LCP2: variants seen among roughly 807,000 people sequenced by gnomAD.
The protein encoded by LCP2 is 76 kDa tyrosine phosphoprotein.
Under a neutral mutation model 74.5 loss-of-function variants are expected in LCP2, and 29 were observed. The ratio of observed to expected loss-of-function variants is 0.39; its 90% CI spans 0.29 to 0.53. The LOEUF (loss-of-function observed/expected upper bound fraction) is 0.53. LCP2 is among the 20% of genes least tolerant of loss of function. The pLI, the probability that LCP2 is intolerant of heterozygous loss-of-function variation, is 0.72. For synonymous variants in LCP2, 228 were observed against 229.5 expected, an observed-to-expected ratio of 0.99 and a Z score of 0.06; for missense variants, 604 against 634.6, an observed-to-expected ratio of 0.95 and a Z score of 0.52.
In LCP2 at chr5:170,248,569, G is replaced by T; in HGVS notation, c.*128C>A. The stretch of plus-strand genomic sequence containing the variant: ...TTCAAACACTGTTTTTAAAGGAAAG[G>T]ATAAAACCCTTGTGTTCATGGGGAG... On this transcript the variant is annotated 3_prime_UTR_variant, in exon 21 of 21. Coordinates refer to ENST00000046794, the MANE Select transcript of LCP2 (RefSeq NM_005565.5). 1 of 937,662 alleles carries T rather than the reference G, an allele frequency of 1.1e-6. No homozygotes were observed. Among genetic ancestry groups the T allele is most frequent in the Non-Finnish European group, 1.7e-6 (1 of 602,346 alleles). The allele number at this position is 937,662 out of a possible 1,614,324, so 58.1% of individuals were successfully genotyped here. A position where few individuals can be genotyped will look rare whatever the true frequency, so the allele number is the denominator to read the frequency against.
intron 8 of LCP2, among the ~76,000 whole-genome samples, chr5:170,267,739 C>A (rs1761794709): frequency 6.6e-6 from 1 of 152,258 alleles, no homozygotes; most frequent in East Asian, 1.9e-4. Flanking sequence ...CACTTTATCC[C>A]CAACGCCTAG....
chr5:170,263,528 C>A (rs928696148), intron 10 of LCP2, among the ~76,000 whole-genome samples: 1 of 152,174 alleles, frequency 6.6e-6, no homozygotes, highest in Non-Finnish European at 1.5e-5. Flanking sequence ...TGGTATGCTG[C>A]AAATCTTTTT....
At chr5:170,253,350 A>G (rs1334656607) in intron 17 of LCP2, 137 bp from the exon 18 acceptor site, 2 of 520,380 alleles carry the variant, frequency 3.8e-6, no homozygotes, top group African/African-American at 3.9e-5. Context: ...TTTAAGAAAC[A>G]AGGGCTTCAA....
chr5:170,251,018 C>T (rs1761425962), intron 19 of LCP2, 133 bp from the exon 20 acceptor site: 2 of 639,032 alleles, frequency 3.1e-6, no homozygotes, highest in Admixed American at 3.0e-5. Context: ...GAGTGCAAAA[C>T]CTGTCATTCA....
At chr5:170,266,722 T>G in intron 10 of LCP2, 86 bp downstream of exon 10, 247 of 1,116,364 alleles carry the variant, frequency 2.2e-4, no homozygotes, top group Non-Finnish European at 3.0e-4. Context: ...CATAGTTAAA[T>G]GAGATGGTAC....
chr5:170,274,480 T>G, intron 5 of LCP2, 142 bp from the exon 6 acceptor site: 1 of 825,624 alleles, frequency 1.2e-6, no homozygotes, highest in Admixed American at 2.2e-5. Flanking sequence ...CCCTGCAGGT[T>G]TAGCCACTTA....
At chr5:170,280,485 G>T (rs545313665) in intron 3 of LCP2, among the ~76,000 whole-genome samples, 1 of 152,218 alleles carries the variant, frequency 6.6e-6, no homozygotes, top group South Asian at 2.1e-4. Context: ...TGTCACCTGA[G>T]AAGCCGGGGG....
intron 1 of LCP2, 148 bp downstream of exon 1, chr5:170,297,386 T>A: frequency 1.6e-6 from 1 of 642,558 alleles, no homozygotes; most frequent in South Asian, 2.1e-5. Flanking sequence ...GCGGTCTATA[T>A]GGCGCTCACT....
intron 6 of LCP2, among the ~76,000 whole-genome samples, chr5:170,273,195 T>C (rs1020176532): frequency 1.1e-4 from 17 of 152,162 alleles, no homozygotes; most frequent in African/African-American, 3.9e-4. Flanking sequence ...CCAAGCTCTA[T>C]AGCCACTAGT....
At chr5:170,250,007 T>A (rs894576765) in intron 20 of LCP2, among the ~76,000 whole-genome samples, 1 of 152,232 alleles carries the variant, frequency 6.6e-6, no homozygotes, top group Non-Finnish European at 1.5e-5. Context: ...TGCATTTTTT[T>A]TCTATTCATT....
Position 170,281,410 on chromosome 5 carries a change from G to A in LCP2, c.189-5550C>T, listed in dbSNP as rs543540897. 3.3e-5 allele frequency among the ~76,000 whole-genome samples: 5 copies of A among 152,226 alleles called. No homozygotes were observed. In the East Asian group the frequency reaches 9.7e-4, roughly 29 times the overall value. ...TTCTCCTGCCTCAGCCTCCCGAGTA[G>A]CTGGGACTACAGGTGCCTGCCACCA... On this transcript the variant is annotated intron_variant, in intron 3 of 20. Coordinates refer to ENST00000046794, the MANE Select transcript of LCP2 (RefSeq NM_005565.5).
chr5:170,281,860 C>T (rs1762111722), intron 3 of LCP2, among the ~76,000 whole-genome samples: 1 of 152,244 alleles, frequency 6.6e-6, no homozygotes, highest in Non-Finnish European at 1.5e-5. Context: ...GCACCACCCA[C>T]CCCGTCACTC....
At position 170,247,068 on chromosome 5, in the gene LCP2, T is replaced by C. The variant is rs1485358274; in HGVS notation, c.*1629A>G. Reference sequence around the variant, plus strand: ...TTTAGATATTTTTGAATTGTAAAGATAGAATACGGCAAAGCAAGACAAGTG... The same window carrying C: ...TTTAGATATTTTTGAATTGTAAAGACAGAATACGGCAAAGCAAGACAAGTG... On this transcript the variant is annotated 3_prime_UTR_variant, in exon 21 of 21. Transcript: ENST00000046794. The C allele has an allele frequency of 6.6e-6, 1 of 152,208 alleles. No individual in the cohort carries two copies. Among genetic ancestry groups the C allele is most frequent in the Admixed American group, 6.5e-5 (1 of 15,282 alleles). 9.4% of individuals were successfully genotyped at this position (152,208 alleles called of 1,614,324 possible).
intron 20 of LCP2, among the ~76,000 whole-genome samples, chr5:170,249,906 T>C (rs560662445): frequency 1.3e-5 from 2 of 152,360 alleles, no homozygotes; most frequent in Middle Eastern, 6.8e-3. Context: ...TGGACCAAGA[T>C]AAATCTTGAA....
At chr5:170,249,380 A>ATTTATATC in intron 20 of LCP2, among the ~76,000 whole-genome samples, 1 of 148,024 alleles carries the variant, frequency 6.8e-6, no homozygotes, top group East Asian at 2.0e-4. Context: ...ATATATATAT[A>ATTTATATC]TCTACATATC....
intron 3 of LCP2, chr5:170,287,768 C>A (rs748503312): frequency 5.8e-5 from 35 of 602,138 alleles, no homozygotes; most frequent in East Asian, 1.1e-4. Flanking sequence ...TCCAGGTCAC[C>A]AGCTGGGCTG....
At position 170,270,703 on chromosome 5, in the gene LCP2, G is replaced by A. The variant is rs315745; in HGVS notation, c.523+16C>T. The A allele has an allele frequency of 0.51, 792,253 of 1,540,650 alleles. 207,919 individuals are homozygous for A. Among genetic ancestry groups the A allele is most frequent in the East Asian group, 0.86 (35,548 of 41,224 alleles). ...TTGGGCTGCTCGGGCCAGAAAATCC[G>A]GAAACGGGCCCTTACCGATGTACAT... On this transcript the variant is annotated intron_variant, in intron 7 of 20. Transcript: ENST00000046794.
intron 2 of LCP2, among the ~76,000 whole-genome samples, chr5:170,289,671 T>TTCTTTC (rs1554141414): frequency 0.04 from 3,381 of 83,576 alleles, 68 homozygotes; most frequent in Non-Finnish European, 0.056. Flanking sequence ...CTTTCTTTCT[T>TTCTTTC]TCTCTCTCTC....
At chr5:170,280,679 A>G (rs565971079) in intron 3 of LCP2, among the ~76,000 whole-genome samples, 2 of 152,306 alleles carry the variant, frequency 1.3e-5, no homozygotes, top group East Asian at 3.9e-4. Context: ...TTTTCCTGGT[A>G]GACAAGTATA....
Sources: gnomAD v4.1 joint callset for allele counts (sites outside exome capture counted in the v4.1 genomes callset) on GRCh38, gnomAD v4.1.1 for gene constraint, MANE v1.5 for transcripts, NCBI Gene and HGNC (gene_info 2026-07-23, HGNC 2026-07-21) for gene names.